USH2A: variants seen among roughly 807,000 people sequenced by gnomAD.
The protein encoded by USH2A is usherin, also known as Usher syndrome 2A (autosomal recessive, mild).
A neutral mutation model predicts 538.9 loss-of-function variants in USH2A; 443 were observed. The ratio of observed to expected loss-of-function variants is 0.82; its 90% CI spans 0.76 to 0.89. USH2A has a LOEUF of 0.89. Ranked by LOEUF, USH2A falls within the 40% of genes least tolerant of loss-of-function variation. The probability of loss-of-function intolerance (pLI) is 0.00; values close to 1 mark genes in which losing one functional copy is unlikely to be tolerated. For missense variants in USH2A, 6,633 were observed against 6,324.8 expected, an observed-to-expected ratio of 1.05 and a Z score of -1.65; for synonymous variants, 2,413 against 2,273.5, an observed-to-expected ratio of 1.06 and a Z score of -1.75.
chr1:216,061,143 T>C (rs1469074004), intron 30 of USH2A, among the ~76,000 whole-genome samples: 2 of 152,220 alleles, frequency 1.3e-5, no homozygotes, highest in African/African-American at 2.4e-5. Flanking sequence ...CTGTTAACCC[T>C]TGGACTCTCC....
At chr1:216,143,537 G>A (rs1449068342) in intron 21 of USH2A, among the ~76,000 whole-genome samples, 4 of 152,082 alleles carry the variant, frequency 2.6e-5, no homozygotes, top group Non-Finnish European at 5.9e-5. Flanking sequence ...TGATTGAAAT[G>A]CCCTAAAGAG....
At chr1:216,256,230 G>A (rs2036256270) in intron 11 of USH2A, among the ~76,000 whole-genome samples, 1 of 150,210 alleles carries the variant, frequency 6.7e-6, no homozygotes, top group Admixed American at 6.6e-5. Context: ...TTTAGAATAT[G>A]TAAATTTAGC....
intron 21 of USH2A, among the ~76,000 whole-genome samples, chr1:216,119,412 C>T (rs12736334): frequency 4.0e-5 from 6 of 151,686 alleles, no homozygotes; most frequent in Non-Finnish European, 1.5e-5. Context: ...GTATCAGTTG[C>T]TACTCTAATA....
intron 41 of USH2A, among the ~76,000 whole-genome samples, chr1:215,885,211 T>C (rs1036442775): frequency 3.3e-5 from 5 of 151,024 alleles, no homozygotes; most frequent in Non-Finnish European, 5.9e-5. Context: ...ATGCCTTTTT[T>C]TCTGCATCTA....
In USH2A at chr1:216,246,700, CTGGCAGTGTTGAAA is replaced by C; in HGVS notation, c.2680_2693del (p.Phe894AspfsTer3). The C allele has an allele frequency of 6.2e-7, 1 of 1,614,098 alleles. No homozygotes were observed. Among genetic ancestry groups the C allele is most frequent in the Non-Finnish European group, 8.5e-7 (1 of 1,179,978 alleles). ...TCCCCAAGGAATCACACTCACACAT[CTGGCAGTGTTGAAA>C]ATTGTCAATGGTCAAATTGTACCTG... is the stretch of plus-strand genomic sequence containing the variant. On this transcript the variant is annotated frameshift_variant, in exon 13 of 72. Transcript: ENST00000307340. LOFTEE classifies it high-confidence loss of function.
chr1:216,374,043 A>G (rs1233157667), intron 3 of USH2A, among the ~76,000 whole-genome samples: 6 of 145,196 alleles, frequency 4.1e-5, no homozygotes, highest in Non-Finnish European at 7.5e-5. Context: ...CATAGGTGGG[A>G]ATTGAACAAT....
intron 4 of USH2A, among the ~76,000 whole-genome samples, chr1:216,363,508 A>G (rs2102706653): frequency 6.6e-6 from 1 of 152,254 alleles, no homozygotes; most frequent in African/African-American, 2.4e-5. Context: ...CAATCAGGCA[A>G]CTGCTCAAAT....
intron 21 of USH2A, among the ~76,000 whole-genome samples, chr1:216,170,941 T>C (rs1273690291): frequency 6.6e-6 from 1 of 152,106 alleles, no homozygotes; most frequent in Non-Finnish European, 1.5e-5. Context: ...TAACCCCATG[T>C]AACTGGGGCA....
chr1:216,380,314 T>G (rs2038904467), intron 3 of USH2A, among the ~76,000 whole-genome samples: 1 of 152,190 alleles, frequency 6.6e-6, no homozygotes, highest in Non-Finnish European at 1.5e-5. Flanking sequence ...TTATGAGTAT[T>G]GCTATCACTA....
rs111033410 is a variant in USH2A, at chr1:216,292,199, C to G, written c.1816G>C (p.Asp606His). 1.2e-5 allele frequency: 20 copies of G among 1,613,938 alleles called. No homozygotes were observed. The Admixed American group carries it at 2.3e-4, about 19-fold the overall frequency. ...EHFRGGGGVC[D>H]DCEHNTTGRN... ...CCTGTAGTGTTATGCTCACAATCAT[C>G]ACAAACTCCTCCTCCCCCTCTGAAG... Residue 606 changes from aspartate to histidine, a missense_variant, in exon 10 of 72, where the codon GAT becomes CAT. By Grantham distance (81) the Asp-to-His change is moderately conservative (BLOSUM62 -1). Coordinates refer to ENST00000307340, the MANE Select transcript of USH2A (RefSeq NM_206933.4).
chr1:215,777,373 T>C (rs772446639), intron 55 of USH2A, among the ~76,000 whole-genome samples: 1 of 152,248 alleles, frequency 6.6e-6, no homozygotes, highest in Non-Finnish European at 1.5e-5. Context: ...TCTGTTGGTG[T>C]ATAAATGCTG....
intron 3 of USH2A, among the ~76,000 whole-genome samples, chr1:216,366,539 CT>C (rs776508048): frequency 2.0e-4 from 31 of 152,050 alleles, no homozygotes; most frequent in Non-Finnish European, 3.1e-4. Context: ...TCTCAAACAT[CT>C]TAAAATCATG....
chr1:215,806,507 T>C (rs1662505104), intron 49 of USH2A, among the ~76,000 whole-genome samples: 1 of 152,130 alleles, frequency 6.6e-6, no homozygotes, highest in African/African-American at 2.4e-5. Flanking sequence ...GTGGGATTCA[T>C]ACAGGATGCT....
At chr1:215,747,947 A>T (rs940672878) in intron 58 of USH2A, among the ~76,000 whole-genome samples, 5 of 149,282 alleles carry the variant, frequency 3.3e-5, no homozygotes, top group African/African-American at 9.9e-5. Flanking sequence ...TGCGGACTGC[A>T]GTGGCGCAAT....
intron 11 of USH2A, among the ~76,000 whole-genome samples, chr1:216,273,463 T>G (rs1571646592): frequency 6.6e-6 from 1 of 151,930 alleles, no homozygotes; most frequent in South Asian, 2.1e-4. Flanking sequence ...GAAGTTAGGG[T>G]GGGTTTCTCA....
intron 23 of USH2A, 183 bp from the exon 24 acceptor site, chr1:216,087,003 G>A: frequency 1.7e-6 from 1 of 586,866 alleles, no homozygotes; most frequent in Non-Finnish European, 3.2e-6. Flanking sequence ...CATGATGTTG[G>A]AATGATCCAG....
intron 11 of USH2A, among the ~76,000 whole-genome samples, chr1:216,260,159 T>G (rs1047230183): frequency 6.6e-6 from 1 of 152,130 alleles, no homozygotes; most frequent in Admixed American, 6.6e-5. Context: ...CCCATAATTT[T>G]AATGAGGCCA....
intron 22 of USH2A, among the ~76,000 whole-genome samples, chr1:216,090,371 G>A (rs1255251509): frequency 1.3e-5 from 2 of 148,498 alleles, no homozygotes; most frequent in African/African-American, 5.0e-5. Flanking sequence ...ATTGGTTCCT[G>A]TCGGGCCTCA....
At chr1:215,762,998 C>A (rs929651226) in intron 56 of USH2A, among the ~76,000 whole-genome samples, 9 of 152,182 alleles carry the variant, frequency 5.9e-5, no homozygotes, top group African/African-American at 2.2e-4. Context: ...AATCTTCATT[C>A]CAATTCAAAA....
Sources: allele counts gnomAD v4.1 joint callset (sites outside exome capture counted in the v4.1 genomes callset), GRCh38; gene constraint gnomAD v4.1.1; transcripts MANE v1.5; gene names NCBI Gene and HGNC (gene_info 2026-07-23, HGNC 2026-07-21).